RCBTB1: variants seen among roughly 807,000 people sequenced by gnomAD.
RCBTB1 encodes RCC1 and BTB domain-containing protein 1.
RCBTB1 carries 46 observed loss-of-function variants against 62.4 expected under a neutral mutation model. The observed-to-expected ratio is 0.74, with a 90% CI of 0.58 to 0.94. The LOEUF is 0.94. Ranked by LOEUF, RCBTB1 falls within the 40% of genes least tolerant of loss-of-function variation. RCBTB1 has a pLI of 0.00. For missense variants in RCBTB1, 565 were observed against 654.9 expected (o/e 0.86, Z 1.50); for synonymous variants, 222 against 245.8 (o/e 0.90, Z 0.91).
chr13:49,535,910 C>G (rs559159769), intron 12 of RCBTB1, among the ~76,000 whole-genome samples: 6 of 151,824 alleles, frequency 4.0e-5, no homozygotes, highest in Non-Finnish European at 8.8e-5. Flanking sequence ...GTAATCCCAG[C>G]TACTCAGGAA....
At position 49,567,219 on chromosome 13, in the gene RCBTB1, T is replaced by C. The variant is rs1012327417; in HGVS notation, c.61A>G (p.Ile21Val). ...TLLSPQEIAS[I>V]RKACVFGTSA... Reference sequence around the variant, plus strand: ...GTGCCGAAGACACACGCCTTCCGAATAGACGCGATCTCTTGAGGGGAGAGT... The same window carrying C: ...GTGCCGAAGACACACGCCTTCCGAACAGACGCGATCTCTTGAGGGGAGAGT... Residue 21 changes from isoleucine to valine, a missense_variant, in exon 3 of 13, where the codon ATT becomes GTT. By Grantham distance (29) the Ile-to-Val change is conservative. Coordinates refer to ENST00000378302, the MANE Select transcript of RCBTB1 (RefSeq NM_018191.4). 36 of 1,613,954 alleles carry C rather than the reference T, an allele frequency of 2.2e-5. No homozygotes were observed. Among genetic ancestry groups the C allele is most frequent in the Non-Finnish European group, 2.6e-5 (31 of 1,179,962 alleles).
chr13:49,560,768 G>A (rs778406040), intron 4 of RCBTB1, among the ~76,000 whole-genome samples: 1 of 152,142 alleles, frequency 6.6e-6, no homozygotes, highest in African/African-American at 2.4e-5. Flanking sequence ...GAGAGTTGAG[G>A]ACTAGCAACA....
chr13:49,549,428 C>T, intron 9 of RCBTB1, 30 bp downstream of exon 9: 1 of 1,580,094 alleles, frequency 6.3e-7, no homozygotes, highest in Admixed American at 1.7e-5. Flanking sequence ...ACCATTCTTC[C>T]TGGGTGGAGG....
intron 4 of RCBTB1, among the ~76,000 whole-genome samples, chr13:49,563,469 C>G (rs1204230069): frequency 6.6e-6 from 1 of 151,378 alleles, no homozygotes; most frequent in African/African-American, 2.4e-5. Context: ...TCAAGATCAG[C>G]CTGGTCAACA....
At chr13:49,557,465 C>T (rs1278441074) in intron 5 of RCBTB1, among the ~76,000 whole-genome samples, 2 of 151,982 alleles carry the variant, frequency 1.3e-5, no homozygotes, top group Non-Finnish European at 2.9e-5. Flanking sequence ...TGTTACAGTA[C>T]CTACTAGGAG....
intron 10 of RCBTB1, among the ~76,000 whole-genome samples, chr13:49,542,719 G>A (rs1335098885): frequency 5.3e-5 from 6 of 113,490 alleles, no homozygotes; most frequent in Admixed American, 1.7e-4. Context: ...TTTTTTTTTT[G>A]CATTGCCTGT....
At chr13:49,583,226 A>T (rs1052709404) in intron 1 of RCBTB1, among the ~76,000 whole-genome samples, 2 of 152,090 alleles carry the variant, frequency 1.3e-5, no homozygotes, top group Non-Finnish European at 1.5e-5. Context: ...TGAAGTCTGA[A>T]GCAGTCACCA....
chr13:49,552,938 C>T (rs1477776524), intron 6 of RCBTB1, among the ~76,000 whole-genome samples: 1 of 152,102 alleles, frequency 6.6e-6, no homozygotes. Context: ...AATCCCAGCA[C>T]TTTGGAAGGC....
rs150441748 is a variant in RCBTB1, at chr13:49,566,652, G to A, written c.243C>T (p.Tyr81=). 1,706 of 1,614,046 alleles carry A rather than the reference G, an allele frequency of 1.1e-3. 2 individuals carry two copies. The highest frequency in any genetic ancestry group is 1.3e-3 in the Non-Finnish European group (1,533 of 1,179,948). The change falls in exon 4 of 13, where the codon TAC becomes TAT. Residue 81 remains tyrosine, a synonymous_variant. Transcript: ENST00000378302. ...LCGKKIKSLS[Y]GSGPHVLLST... ...TGAGAAGAACATGTGGTCCACTCCCGTAACTGAGGCTTTTAATCTTCTTTC... is the reference window on the plus strand; with the variant it reads ...TGAGAAGAACATGTGGTCCACTCCCATAACTGAGGCTTTTAATCTTCTTTC...
chr13:49,540,564 G>A (rs1356063288), intron 12 of RCBTB1, among the ~76,000 whole-genome samples: 1 of 152,224 alleles, frequency 6.6e-6, no homozygotes, highest in African/African-American at 2.4e-5. Context: ...CATTAAGAAA[G>A]ACTTGAAACT....
chr13:49,555,459 C>A (rs1961766930), intron 6 of RCBTB1, 56 bp downstream of exon 6: 7 of 1,401,122 alleles, frequency 5.0e-6, no homozygotes, highest in Middle Eastern at 3.5e-4. Flanking sequence ...TGTGAAGAAA[C>A]TGACGTGTAA....
At chr13:49,539,201 A>AT (rs1960168879) in intron 12 of RCBTB1, among the ~76,000 whole-genome samples, 1 of 151,366 alleles carries the variant, frequency 6.6e-6, no homozygotes, top group South Asian at 2.1e-4. Context: ...ATGGTGAGGT[A>AT]TTTCAAATGT....
At chr13:49,576,947 T>C (rs1279707245) in intron 2 of RCBTB1, among the ~76,000 whole-genome samples, 1 of 152,020 alleles carries the variant, frequency 6.6e-6, no homozygotes, top group Non-Finnish European at 1.5e-5. Flanking sequence ...TTAAAGATAA[T>C]ATGCCAACCC....
chr13:49,572,569 G>A (rs979732948), intron 2 of RCBTB1, among the ~76,000 whole-genome samples: 4 of 152,204 alleles, frequency 2.6e-5, no homozygotes, highest in Non-Finnish European at 5.9e-5. Context: ...TTGGGAGGCT[G>A]AGGCAGGCAG....
chr13:49,554,985 C>G (rs7328860), intron 6 of RCBTB1, among the ~76,000 whole-genome samples: 1 of 152,002 alleles, frequency 6.6e-6, no homozygotes, highest in Non-Finnish European at 1.5e-5. Context: ...ACTAATTTCA[C>G]AGAAATAACC....
intron 9 of RCBTB1, among the ~76,000 whole-genome samples, chr13:49,545,162 A>C (rs1403835553): frequency 6.6e-6 from 1 of 152,190 alleles, no homozygotes; most frequent in African/African-American, 2.4e-5. Flanking sequence ...CTTCATGATA[A>C]TATAATAACC....
At chr13:49,564,450 G>C (rs1376876866) in intron 4 of RCBTB1, among the ~76,000 whole-genome samples, 1 of 151,576 alleles carries the variant, frequency 6.6e-6, no homozygotes, top group African/African-American at 2.4e-5. Flanking sequence ...CCGGGGCGTG[G>C]TGGCACGCGT....
intron 10 of RCBTB1, among the ~76,000 whole-genome samples, chr13:49,542,706 CT>C (rs1359446402): frequency 2.5e-3 from 360 of 143,288 alleles, no homozygotes; most frequent in Non-Finnish European, 2.3e-3. Context: ...GCCATCACTC[CT>C]TTTTTTTTTT....
At chr13:49,546,456 G>A (rs1207496674) in intron 9 of RCBTB1, 12 of 448,510 alleles carry the variant, frequency 2.7e-5, no homozygotes, top group Middle Eastern at 1.1e-3. Context: ...ACCGAGGCGG[G>A]GAGGAGGATG....
Sources: gnomAD v4.1 joint callset for allele counts (sites outside exome capture counted in the v4.1 genomes callset) on GRCh38, gnomAD v4.1.1 for gene constraint, MANE v1.5 for transcripts, NCBI Gene and HGNC (gene_info 2026-07-23, HGNC 2026-07-21) for gene names.